The following P4HA3 variants were observed in gnomAD, a reference collection of about 807,000 sequenced individuals.
P4HA3 encodes prolyl 4-hydroxylase subunit alpha 3, also known as prolyl 4-hydroxylase subunit alpha-3.
In P4HA3, 60 loss-of-function variants were observed where a neutral mutation model predicts 66.7. That is an observed-to-expected ratio of 0.90 (90% CI 0.73 to 1.12). The LOEUF (loss-of-function observed/expected upper bound fraction) is 1.12. Among genes scored for constraint, P4HA3 ranks in the 50% most tolerant of loss-of-function variants. The probability of loss-of-function intolerance (pLI) is 0.00; values close to 1 mark genes in which losing one functional copy is unlikely to be tolerated. For synonymous variants in P4HA3, 263 were observed against 274.6 expected, an observed-to-expected ratio of 0.96 and a Z score of 0.42; for missense variants, 683 against 685.8, an observed-to-expected ratio of 1.00 and a Z score of 0.05.
intron 6 of P4HA3, 79 bp from the exon 7 acceptor site, chr11:74,286,064 A>G: frequency 6.6e-7 from 1 of 1,510,380 alleles, no homozygotes; most frequent in South Asian, 1.2e-5. Flanking sequence ...TATGGCATAA[A>G]AAAATTGGAA....
At chr11:74,265,566 C>T (rs528168781), downstream of P4HA3, among the ~76,000 whole-genome samples, 1 of 152,356 alleles carries the variant, frequency 6.6e-6, no homozygotes, top group East Asian at 1.9e-4. Flanking sequence ...TCTCTTGGCA[C>T]AAGTGCCCAA....
chr11:74,303,155 A>G (rs1318030909), intron 2 of P4HA3, among the ~76,000 whole-genome samples: 3 of 151,938 alleles, frequency 2.0e-5, no homozygotes, highest in Non-Finnish European at 4.4e-5. Flanking sequence ...GGGTCTTGCT[A>G]TGTTGCCCAG....
intron 6 of P4HA3, 69 bp downstream of exon 6, chr11:74,286,159 T>C: frequency 6.4e-7 from 1 of 1,556,520 alleles, no homozygotes; most frequent in Non-Finnish European, 8.7e-7. Flanking sequence ...CCCCTCATGT[T>C]ATCCCAATTC....
intron 7 of P4HA3, among the ~76,000 whole-genome samples, chr11:74,285,094 TATA>T (rs1301061255): frequency 3.3e-5 from 5 of 151,886 alleles, no homozygotes; most frequent in African/African-American, 7.3e-5. Context: ...AACAATAAAA[TATA>T]ATAATAATAA....
intron 7 of P4HA3, among the ~76,000 whole-genome samples, chr11:74,281,425 G>C (rs1042473957): frequency 6.6e-6 from 1 of 152,144 alleles, no homozygotes; most frequent in African/African-American, 2.4e-5. Flanking sequence ...ACATGCACAC[G>C]TATGTTTATT....
intron 4 of P4HA3, among the ~76,000 whole-genome samples, chr11:74,291,472 C>T (rs537009920): frequency 6.6e-6 from 1 of 152,286 alleles, no homozygotes; most frequent in African/African-American, 2.4e-5. Flanking sequence ...GCCAGAACTT[C>T]CAACACTATG....
chr11:74,283,457 T>C (rs1376247731), intron 7 of P4HA3, among the ~76,000 whole-genome samples: 2 of 152,148 alleles, frequency 1.3e-5, no homozygotes, highest in South Asian at 2.1e-4. Context: ...GAAATGATGA[T>C]TGCCCCTCTT....
At chr11:74,302,634 A>G in intron 2 of P4HA3, 42 bp from the exon 3 acceptor site, 1 of 1,552,628 alleles carries the variant, frequency 6.4e-7, no homozygotes, top group Non-Finnish European at 8.8e-7. Context: ...TTCAAGAAAC[A>G]GGAGTTGGGC....
At chr11:74,258,181 C>T (rs1345210025) in intron 15 of P4HA3, among the ~76,000 whole-genome samples, 1 of 152,130 alleles carries the variant, frequency 6.6e-6, no homozygotes, top group African/African-American at 2.4e-5. Context: ...GTTATGTCAA[C>T]TCAAGAGGCT....
At position 74,286,345 on chromosome 11, in the gene P4HA3, C is replaced by A. The variant is rs775829101; in HGVS notation, c.816G>T (p.Arg272Ser). 3 of 1,587,676 alleles carry A rather than the reference C, an allele frequency of 1.9e-6. No individual in the cohort carries two copies. The Admixed American group carries it at 5.5e-5, about 29-fold the overall frequency. ...CGTGGTTGGGGCTCTCTGCCAAGAG[C>A]CTTTCATATTTCAAGACATTCCTGG... is the stretch of plus-strand genomic sequence containing the variant. Reference protein sequence around the residue: ...RMARNVLKYERLLAESPNHVV... With the variant: ...RMARNVLKYESLLAESPNHVV... Residue 272 changes from arginine (R) to serine (S), a missense_variant, in exon 6 of 13, where the codon AGG (arginine) becomes AGT (serine). Physicochemically the swap from Arg to Ser is moderately radical, Grantham distance 110. Transcript: ENST00000331597.
intron 3 of P4HA3, among the ~76,000 whole-genome samples, chr11:74,300,731 T>C (rs933763113): frequency 6.6e-6 from 1 of 152,200 alleles, no homozygotes; most frequent in Non-Finnish European, 1.5e-5. Context: ...TTGATAATTA[T>C]TGAAGCTTAT....
chr11:74,262,688 G>A (rs1471906336), downstream of P4HA3, among the ~76,000 whole-genome samples: 1 of 152,166 alleles, frequency 6.6e-6, no homozygotes, highest in East Asian at 1.9e-4. Context: ...CCTCCCCCTA[G>A]CCCTTAGCCG....
intron 15 of P4HA3, chr11:74,251,789 A>G: frequency 6.4e-7 from 1 of 1,567,628 alleles, no homozygotes. Flanking sequence ...GTAGGACTGT[A>G]AATATCTCTG....
In P4HA3 at chr11:74,300,182, A is replaced by G. The variant is rs1861361837; in HGVS notation, c.568-1821T>C. ...AGAACACCCAAAACTCTCTGGAGGG[A>G]TATTCCCACAACTCTGGGCACATGG... On this transcript the variant is annotated intron_variant, in intron 3 of 12. Transcript: ENST00000331597. Among the ~76,000 whole-genome samples the G allele has an allele frequency of 1.3e-5, 2 of 152,224 alleles. 1 individual carries two copies. The highest frequency in any genetic ancestry group is 4.1e-4 in the South Asian group (2 of 4,828).
At position 74,287,166 on chromosome 11, in the gene P4HA3, C is replaced by T; in HGVS notation, c.770-775G>A. 7.1e-6 allele frequency: 9 copies of T among 1,263,846 alleles called. No individual in the cohort carries two copies. The South Asian group carries it at 1.2e-4, about 16-fold the overall frequency. The allele number at this position is 1,263,846 out of a possible 1,614,324, so 78.3% of individuals were successfully genotyped here. On this transcript the variant is annotated intron_variant, in intron 5 of 12. Transcript: ENST00000331597. ...GATGCCCCATGCATTGGCAGAGCTA[C>T]CCGTGGCCTGCTGGCCTCTTTGCAT...
chr11:74,261,235 C>A (rs909644513), intron 14 of P4HA3, among the ~76,000 whole-genome samples: 1 of 152,158 alleles, frequency 6.6e-6, no homozygotes, highest in Admixed American at 6.5e-5. Context: ...GTTTCTCTAT[C>A]TCTCTCTGCC....
chr11:74,262,411 A>G (rs1388060923), downstream of P4HA3, among the ~76,000 whole-genome samples: 2 of 152,162 alleles, frequency 1.3e-5, no homozygotes, highest in African/African-American at 4.8e-5. Flanking sequence ...GAAGGGAAAG[A>G]GGCAGGCTCT....
downstream of P4HA3, among the ~76,000 whole-genome samples, chr11:74,261,825 C>A (rs1859911660): frequency 6.6e-6 from 1 of 152,138 alleles, no homozygotes; most frequent in Non-Finnish European, 1.5e-5. Flanking sequence ...ATTAAAATAC[C>A]ATCAAATATT....
At chr11:74,258,517 A>G (rs1429795732) in intron 15 of P4HA3, among the ~76,000 whole-genome samples, 1 of 152,182 alleles carries the variant, frequency 6.6e-6, no homozygotes, top group East Asian at 1.9e-4. Context: ...CAGACAAATC[A>G]GCAGTGCCTC....
Sources: allele counts gnomAD v4.1 joint callset (sites outside exome capture counted in the v4.1 genomes callset), GRCh38; gene constraint gnomAD v4.1.1; transcripts MANE v1.5; gene names NCBI Gene and HGNC (gene_info 2026-07-23, HGNC 2026-07-21).